The following ZNF766 variants were observed in gnomAD, a reference collection of about 807,000 sequenced individuals.
The protein encoded by ZNF766 is zinc finger protein 766.
Under a neutral mutation model 13.2 loss-of-function variants are expected in ZNF766, and 13 were observed. That is an observed-to-expected ratio of 0.98 (90% CI 0.64 to 1.56). The LOEUF (loss-of-function observed/expected upper bound fraction) is 1.56, where lower values mean the gene tolerates loss of function less well. Among genes scored for constraint, ZNF766 ranks in the 40% most tolerant of loss-of-function variants. The pLI is 0.00. For missense variants in ZNF766, 521 were observed against 552.2 expected (o/e 0.94, Z 0.57); for synonymous variants, 178 against 187.6 (o/e 0.95, Z 0.42).
Position 52,292,054 on chromosome 19 carries a change from G to A in ZNF766, c.*856G>A, listed in dbSNP as rs1274449746. 5 of 669,776 alleles carry A rather than the reference G, an allele frequency of 7.5e-6. No individual in the cohort carries two copies. Among genetic ancestry groups the A allele is most frequent in the Non-Finnish European group, 1.3e-5 (5 of 370,906 alleles). The allele number at this position is 669,776 out of a possible 1,614,324, so 41.5% of individuals were successfully genotyped here. A position where few individuals can be genotyped will look rare whatever the true frequency, so the allele number is the denominator to read the frequency against. ...TCTTGCCATTTGTACTCCAGCTTGG[G>A]TGACAGAGCGAGACCCTGTCTCAAA... is the stretch of plus-strand genomic sequence containing the variant. On this transcript the variant is annotated 3_prime_UTR_variant, in exon 4 of 4. Transcript: ENST00000439461.
intron 3 of ZNF766, among the ~76,000 whole-genome samples, chr19:52,285,861 G>A (rs867738860): frequency 1.3e-5 from 2 of 152,170 alleles, no homozygotes; most frequent in Admixed American, 1.3e-4. Context: ...TGCAGAGAAG[G>A]TCTAACCCAA....
Position 52,277,972 on chromosome 19 carries a change from CT to C in ZNF766, c.19-4123del, listed in dbSNP as rs375658066. On this transcript the variant is annotated intron_variant, in intron 1 of 3. Coordinates refer to ENST00000439461, the MANE Select transcript of ZNF766 (RefSeq NM_001010851.3). ...TAAAAATTCAGGAAATCTTTTCTGC[CT>C]TTTTTTTTTTTTTTTGGAGACAAGA... 4.3e-3 allele frequency among the ~76,000 whole-genome samples: 589 copies of C among 135,648 alleles called. 1 individual carries two copies. Among genetic ancestry groups the C allele is most frequent in the Non-Finnish European group, 6.0e-3 (385 of 63,784 alleles). The allele number at this position is 135,648 out of a possible 152,430, so 89.0% of individuals were successfully genotyped here.
At chr19:52,270,465 G>A (rs914190393) in intron 1 of ZNF766, among the ~76,000 whole-genome samples, 12 of 152,122 alleles carry the variant, frequency 7.9e-5, no homozygotes, top group African/African-American at 2.9e-4. Flanking sequence ...AGCAAGGTAG[G>A]GAGAGGGGCA....
chr19:52,273,017 A>AT (rs11302237), intron 1 of ZNF766, among the ~76,000 whole-genome samples: 5 of 151,236 alleles, frequency 3.3e-5, no homozygotes, highest in African/African-American at 4.9e-5. Flanking sequence ...ACATTAATAT[A>AT]TTTTTTTTTC....
chr19:52,278,055 C>A (rs560074646), intron 1 of ZNF766, among the ~76,000 whole-genome samples: 1 of 150,636 alleles, frequency 6.6e-6, no homozygotes, highest in Non-Finnish European at 1.5e-5. Flanking sequence ...TCACTGCAAC[C>A]TCTACCTCCC....
intron 2 of ZNF766, 73 bp from the exon 3 acceptor site, chr19:52,283,212 C>T: frequency 6.5e-7 from 1 of 1,532,072 alleles, no homozygotes; most frequent in Non-Finnish European, 8.8e-7. Flanking sequence ...TTAATATCAT[C>T]TCTGCTGCCT....
Position 52,292,250 on chromosome 19 carries a change from C to A in ZNF766, c.*1052C>A. 2 of 692,418 alleles carry A rather than the reference C, an allele frequency of 2.9e-6. No individual in the cohort carries two copies. The highest frequency in any genetic ancestry group is 4.3e-5 in the Admixed American group (2 of 46,930). 42.9% of individuals were successfully genotyped at this position (692,418 alleles called of 1,614,324 possible). A position where few individuals can be genotyped will look rare whatever the true frequency, so the allele number is the denominator to read the frequency against. On this transcript the variant is annotated 3_prime_UTR_variant, in exon 4 of 4. Transcript: ENST00000439461. Reference sequence around the variant, plus strand: ...GTTTCCTGGAGGAATAAGGACACTGCCTTTTCAGATTAAAGATTGTCTGAT... The same window carrying A: ...GTTTCCTGGAGGAATAAGGACACTGACTTTTCAGATTAAAGATTGTCTGAT...
chr19:52,283,060 C>T (rs1297725258), intron 2 of ZNF766, among the ~76,000 whole-genome samples: 2 of 152,172 alleles, frequency 1.3e-5, no homozygotes, highest in Non-Finnish European at 1.5e-5. Flanking sequence ...GGAATCGCCG[C>T]ACTGTCTTCC....
At chr19:52,276,449 T>C (rs1415617497) in intron 1 of ZNF766, among the ~76,000 whole-genome samples, 1 of 152,202 alleles carries the variant, frequency 6.6e-6, no homozygotes, top group South Asian at 2.1e-4. Context: ...ACAGACCCCA[T>C]GCACTGTATA....
chr19:52,287,849 A>G (rs1326125478), intron 3 of ZNF766, among the ~76,000 whole-genome samples: 1 of 151,738 alleles, frequency 6.6e-6, no homozygotes, highest in East Asian at 1.9e-4. Flanking sequence ...AATTGTAGTT[A>G]TTTCGGTCGT....
rs1004840530 is a variant in ZNF766, at chr19:52,276,789, C to T, written c.19-5322C>T. ...TGTATCCAGCATTGAGCACCGAAGCCGTGTTCTCATTTCTGAAGGCTGAGT... is the reference window on the plus strand; with the variant it reads ...TGTATCCAGCATTGAGCACCGAAGCTGTGTTCTCATTTCTGAAGGCTGAGT... On this transcript the variant is annotated intron_variant, in intron 1 of 3. Coordinates refer to ENST00000439461, the MANE Select transcript of ZNF766 (RefSeq NM_001010851.3). 2.0e-5 allele frequency among the ~76,000 whole-genome samples: 3 copies of T among 152,148 alleles called. 1 individual carries two copies. The highest frequency in any genetic ancestry group is 4.1e-4 in the South Asian group (2 of 4,834).
chr19:52,291,473 A>G lies in ZNF766; in HGVS notation c.*275A>G, dbSNP rs1386973202. 1 of 329,892 alleles carries G rather than the reference A, an allele frequency of 3.0e-6. No homozygotes were observed. The highest frequency in any genetic ancestry group is 5.5e-6 in the Non-Finnish European group (1 of 181,534). The allele number at this position is 329,892 out of a possible 1,614,324, so 20.4% of individuals were successfully genotyped here. On this transcript the variant is annotated 3_prime_UTR_variant, in exon 4 of 4. Transcript: ENST00000439461. ...GTAATATTCGGGTTATTAAAAATGT[A>G]ATTGGCTGGGCGCAGTGGCTCACAC...
rs1216347757 is a variant in ZNF766 at position 52,294,992 on chromosome 19, TAGA to T, written c.*3798_*3800del. 3 of 151,316 alleles carry T rather than the reference TAGA, an allele frequency of 2.0e-5. No homozygotes were observed. Among genetic ancestry groups the T allele is most frequent in the Non-Finnish European group, 4.4e-5 (3 of 67,850 alleles). 9.4% of individuals were successfully genotyped at this position (151,316 alleles called of 1,614,324 possible). ...ATATTTGTTATAAATATGATATTAC[TAGA>T]AGAGCATTTTTCCAAAAGCTATGGA... On this transcript the variant is annotated 3_prime_UTR_variant, in exon 4 of 4. Transcript: ENST00000439461.
intron 1 of ZNF766, among the ~76,000 whole-genome samples, chr19:52,279,056 G>A (rs776934260): frequency 2.6e-5 from 4 of 152,104 alleles, no homozygotes; most frequent in Non-Finnish European, 5.9e-5. Flanking sequence ...TTTGTATATG[G>A]TATAAGGAAG....
chr19:52,287,631 T>TATTTAATA (rs1981898093), intron 3 of ZNF766, among the ~76,000 whole-genome samples: 1 of 152,254 alleles, frequency 6.6e-6, no homozygotes, highest in Non-Finnish European at 1.5e-5. Context: ...AGTTGGTAGG[T>TATTTAATA]ATTTAATAAC....
chr19:52,276,020 C>T (rs1305154242), intron 1 of ZNF766, among the ~76,000 whole-genome samples: 3 of 152,076 alleles, frequency 2.0e-5, no homozygotes, highest in African/African-American at 4.8e-5. Flanking sequence ...TTTTGACTTA[C>T]GAGTACTTAC....
intron 3 of ZNF766, among the ~76,000 whole-genome samples, chr19:52,285,758 C>G (rs957886845): frequency 1.3e-5 from 2 of 152,024 alleles, no homozygotes; most frequent in African/African-American, 4.8e-5. Context: ...TTAAGACCCG[C>G]AATCAGAAAG....
Position 52,290,399 on chromosome 19 carries a change from C to T in ZNF766, c.608C>T (p.Pro203Leu), listed in dbSNP as rs778628001. Residue 203 changes from proline to leucine, a missense_variant, in exon 4 of 4, where the codon CCT becomes CTT. Pro to Leu is a moderately conservative substitution (Grantham distance 98). Coordinates refer to ENST00000439461, the MANE Select transcript of ZNF766 (RefSeq NM_001010851.3). ...GTCTTCAGAGTGTCTTCAAGCCTTC[C>T]TAATCATCAAGTAATCCACACTGCA... The part of the protein sequence containing the change: ...GKVFRVSSSL[P>L]NHQVIHTADK... 2 of 1,613,816 alleles carry T rather than the reference C, an allele frequency of 1.2e-6. No individual in the cohort carries two copies. Among genetic ancestry groups the T allele is most frequent in the Admixed American group, 3.3e-5 (2 of 59,996 alleles).
chr19:52,287,388 G>A (rs1981886843), intron 3 of ZNF766, among the ~76,000 whole-genome samples: 1 of 152,078 alleles, frequency 6.6e-6, no homozygotes, highest in Non-Finnish European at 1.5e-5. Flanking sequence ...TGATCTGCCC[G>A]CCTTGGCCTC....
Sources: gnomAD v4.1 joint callset for allele counts (sites outside exome capture counted in the v4.1 genomes callset) on GRCh38, gnomAD v4.1.1 for gene constraint, MANE v1.5 for transcripts, NCBI Gene and HGNC (gene_info 2026-07-23, HGNC 2026-07-21) for gene names.